PTPN14: variants seen among roughly 807,000 people sequenced by gnomAD.
PTPN14 encodes tyrosine-protein phosphatase non-receptor type 14.
Under a neutral mutation model 126.8 loss-of-function variants are expected in PTPN14, and 53 were observed. The observed-to-expected ratio is 0.42, with a 90% CI of 0.34 to 0.53. The LOEUF (loss-of-function observed/expected upper bound fraction) is 0.53, where lower values mean the gene tolerates loss of function less well. Ranked by LOEUF, PTPN14 falls within the 20% of genes least tolerant of loss-of-function variation. PTPN14 has a pLI of 0.08. For missense variants in PTPN14, 1,257 were observed against 1,552.9 expected (o/e 0.81, Z 3.20); for synonymous variants, 630 against 599.3 (o/e 1.05, Z -0.75).
At chr1:214,401,857 T>C in intron 6 of PTPN14, 85 bp from the exon 7 acceptor site, 4 of 1,132,732 alleles carry the variant, frequency 3.5e-6, no homozygotes, top group Non-Finnish European at 5.2e-6. Context: ...ATTCCAGAGC[T>C]GTGGTTTAGC....
At chr1:214,445,330 T>C (rs1660119200) in intron 3 of PTPN14, among the ~76,000 whole-genome samples, 1 of 152,154 alleles carries the variant, frequency 6.6e-6, no homozygotes, top group South Asian at 2.1e-4. Flanking sequence ...CCTTGGCAAA[T>C]GGAATGACCG....
intron 1 of PTPN14, among the ~76,000 whole-genome samples, chr1:214,468,754 A>G (rs148810435): frequency 2.0e-5 from 3 of 152,268 alleles, no homozygotes; most frequent in Non-Finnish European, 4.4e-5. Context: ...AAAGAAGGCA[A>G]TCCTCAATGC....
chr1:214,513,272 T>C (rs1407286648), intron 1 of PTPN14, among the ~76,000 whole-genome samples: 1 of 152,218 alleles, frequency 6.6e-6, no homozygotes, highest in Non-Finnish European at 1.5e-5. Flanking sequence ...GTACCTACTA[T>C]GTGCCAAGCA....
rs142370583 is a variant in PTPN14 at position 214,367,760 on chromosome 1, G to A, written c.3271+1697C>T. Among the ~76,000 whole-genome samples, 787 of 152,246 alleles carry A rather than the reference G, an allele frequency of 5.2e-3. 8 individuals are homozygous for A. Among genetic ancestry groups the A allele is most frequent in the South Asian group, 0.025 (120 of 4,820 alleles). On this transcript the variant is annotated intron_variant, in intron 17 of 18. Transcript: ENST00000366956. The stretch of plus-strand genomic sequence containing the variant: ...AGCAAGAGGGAGAGCTGCAGCCACC[G>A]CTGAAAAGCAGAGGAGGGTATCAGA...
At chr1:214,375,332 C>G (rs991040795) in intron 15 of PTPN14, among the ~76,000 whole-genome samples, 1 of 152,194 alleles carries the variant, frequency 6.6e-6, no homozygotes, top group African/African-American at 2.4e-5. Context: ...TAATTCTAGA[C>G]AAGGCCGAAA....
At chr1:214,548,116 CA>C (rs1343952802) in intron 1 of PTPN14, among the ~76,000 whole-genome samples, 7 of 152,122 alleles carry the variant, frequency 4.6e-5, no homozygotes, top group Non-Finnish European at 5.9e-5. Context: ...CCTGAGAGGC[CA>C]AATGTTACCA....
intron 1 of PTPN14, among the ~76,000 whole-genome samples, chr1:214,548,335 A>G (rs1656023303): frequency 6.6e-6 from 1 of 152,218 alleles, no homozygotes; most frequent in Admixed American, 6.5e-5. Context: ...TAAGCCCTCC[A>G]TGGGATGCAT....
At chr1:214,381,118 T>C (rs1658461729) in intron 13 of PTPN14, among the ~76,000 whole-genome samples, 2 of 152,364 alleles carry the variant, frequency 1.3e-5, no homozygotes, top group African/African-American at 4.8e-5. Flanking sequence ...AAAATCTCCT[T>C]GTTCCTTTGT....
At chr1:214,372,624 G>T in intron 16 of PTPN14, 87 bp downstream of exon 16, 2 of 1,585,782 alleles carry the variant, frequency 1.3e-6, no homozygotes, top group Non-Finnish European at 8.6e-7. Flanking sequence ...AAGAAGGATA[G>T]GGTAGCAAAG....
At chr1:214,461,417 G>A (rs1318373731) in intron 2 of PTPN14, among the ~76,000 whole-genome samples, 3 of 151,872 alleles carry the variant, frequency 2.0e-5, no homozygotes, top group Non-Finnish European at 4.4e-5. Flanking sequence ...AGGATCACTC[G>A]AGCCCAGGAG....
chr1:214,367,300 C>T (rs1490877977), intron 17 of PTPN14, among the ~76,000 whole-genome samples: 1 of 152,150 alleles, frequency 6.6e-6, no homozygotes, highest in Non-Finnish European at 1.5e-5. Context: ...AGGCAAATCA[C>T]GAGTCCTCTC....
intron 1 of PTPN14, among the ~76,000 whole-genome samples, chr1:214,523,345 C>T (rs878896874): frequency 8.5e-5 from 13 of 152,152 alleles, no homozygotes; most frequent in Admixed American, 5.9e-4. Flanking sequence ...CAATTAATGA[C>T]GGACCACATA....
In PTPN14 at chr1:214,451,833, C is replaced by CA. The variant is rs1558108444; in HGVS notation, c.315dup (p.Val106CysfsTer23). 6.2e-7 allele frequency: 1 copy of CA among 1,614,188 alleles called. No individual in the cohort carries two copies. Among genetic ancestry groups the CA allele is most frequent in the Non-Finnish European group, 8.5e-7 (1 of 1,180,024 alleles). On this transcript the variant is annotated frameshift_variant, in exon 3 of 19. Coordinates refer to ENST00000366956, the MANE Select transcript of PTPN14 (RefSeq NM_005401.5). LOFTEE classifies it high-confidence loss of function. ...GTGGCCTCTTGCTGAAGCCATGACACATTTGGCACATAGAACATGACTCCA... is the reference window on the plus strand; with the variant it reads ...GTGGCCTCTTGCTGAAGCCATGACACAATTTGGCACATAGAACATGACTCCA...
At position 214,384,700 on chromosome 1, in the gene PTPN14, A is replaced by G. The variant is rs1191421477; in HGVS notation, c.1155T>C (p.Asn385=). Residue 385 remains asparagine (N), a synonymous_variant, in exon 13 of 19, where the codon AAT becomes AAC. Transcript: ENST00000366956. This position sits in a 1 kb window ranked among gnomAD's most constrained non-coding sequence, Gnocchi z 5.3. The stretch of plus-strand genomic sequence containing the variant: ...CGCTGTGAACGCTACACACGCTGCC[A>G]TTGGTGACAGTGCCATTTAAATAAT... The part of the protein sequence containing the change: ...DLNYLNGTVT[N]GSVCSVHSVN... The G allele has an allele frequency of 6.2e-7, 1 of 1,614,036 alleles. No homozygotes were observed. The highest frequency in any genetic ancestry group is 8.5e-7 in the Non-Finnish European group (1 of 1,180,042).
chr1:214,396,500 T>G (rs1658882746), intron 8 of PTPN14, among the ~76,000 whole-genome samples: 1 of 152,228 alleles, frequency 6.6e-6, no homozygotes, highest in African/African-American at 2.4e-5. Context: ...ATATTTGGTT[T>G]CCTCTGGCCT....
In PTPN14 at chr1:214,384,125, G is replaced by A. The variant is rs1180120264; in HGVS notation, c.1730C>T (p.Thr577Ile). The change falls in exon 13 of 19, where the codon ACC becomes ATC. Residue 577 changes from threonine to isoleucine, a missense_variant. Thr to Ile is a moderately conservative substitution (Grantham distance 89). Coordinates refer to ENST00000366956, the MANE Select transcript of PTPN14 (RefSeq NM_005401.5). The surrounding 1 kb of genome is among the most constrained non-coding windows in gnomAD (Gnocchi z 5.3). ...GTGGCTGGCCAGGTCTGGGGTGCTG[G>A]TGGCAGGTCGTGGCCGTGGGTAGGG... Reference protein sequence around the residue: ...PPPYPRPRPATSTPDLASHRH... With the variant: ...PPPYPRPRPAISTPDLASHRH... The A allele has an allele frequency of 6.4e-7, 1 of 1,573,432 alleles. No individual in the cohort carries two copies. The highest frequency in any genetic ancestry group is 2.2e-5 in the East Asian group (1 of 44,558).
chr1:214,369,868 A>C (rs970491905), intron 16 of PTPN14, among the ~76,000 whole-genome samples, 177 bp from the exon 17 acceptor site: 1 of 152,250 alleles, frequency 6.6e-6, no homozygotes, highest in Admixed American at 6.5e-5. Flanking sequence ...CCAATAACAC[A>C]ATTTACAATG....
intron 3 of PTPN14, among the ~76,000 whole-genome samples, chr1:214,422,083 A>T (rs1476479623): frequency 6.6e-6 from 1 of 152,172 alleles, no homozygotes; most frequent in Non-Finnish European, 1.5e-5. Flanking sequence ...AGGAGGGAGA[A>T]AGGGAGGAAG....
At position 214,507,912 on chromosome 1, in the gene PTPN14, T is replaced by C. The variant is rs186616248; in HGVS notation, c.-154-42955A>G. Among the ~76,000 whole-genome samples, 194 of 152,164 alleles carry C rather than the reference T, an allele frequency of 1.3e-3. 2 individuals carry two copies. Among genetic ancestry groups the C allele is most frequent in the Middle Eastern group, 6.8e-3 (2 of 294 alleles). ...GGAAGGATCCATTGAGCCCAGAAGT[T>C]CCAGGCTGCAGTGAGCTATGATTGA... is the stretch of plus-strand genomic sequence containing the variant. On this transcript the variant is annotated intron_variant, in intron 1 of 18. Transcript: ENST00000366956.
Sources: allele counts gnomAD v4.1 joint callset (sites outside exome capture counted in the v4.1 genomes callset), GRCh38; gene constraint gnomAD v4.1.1; non-coding constraint Gnocchi (gnomAD v3.1); transcripts MANE v1.5; gene names NCBI Gene and HGNC (gene_info 2026-07-23, HGNC 2026-07-21).